The following PCDH9 variants were observed in gnomAD, a reference collection of about 807,000 sequenced individuals.
The protein encoded by PCDH9 is protocadherin-9.
In PCDH9, 24 loss-of-function variants were observed where a neutral mutation model predicts 70.6. The observed-to-expected ratio is 0.34, with a 90% CI of 0.25 to 0.48. The LOEUF is 0.48. Ranked by LOEUF, PCDH9 falls within the 20% of genes least tolerant of loss-of-function variation. The pLI, the probability that PCDH9 is intolerant of heterozygous loss-of-function variation, is 0.99. For synonymous variants in PCDH9, 562 were observed against 558.5 expected (o/e 1.01, Z -0.09); for missense variants, 1,281 against 1,503.6 (o/e 0.85, Z 2.45).
intron 4 of PCDH9, among the ~76,000 whole-genome samples, chr13:66,509,949 G>T (rs931506641): frequency 6.6e-6 from 1 of 152,156 alleles, no homozygotes; most frequent in Non-Finnish European, 1.5e-5. Flanking sequence ...TCATAGACTA[G>T]AATTTGATTT....
At chr13:66,576,800 C>T (rs1323807617) in intron 4 of PCDH9, among the ~76,000 whole-genome samples, 1 of 152,018 alleles carries the variant, frequency 6.6e-6, no homozygotes, top group Non-Finnish European at 1.5e-5. Context: ...AGATGCAATA[C>T]ATTGCCTGGA....
intron 3 of PCDH9, among the ~76,000 whole-genome samples, chr13:66,894,472 C>T (rs2139575206): frequency 6.6e-6 from 1 of 152,114 alleles, no homozygotes; most frequent in South Asian, 2.1e-4. Context: ...TTTTTTATTT[C>T]ATGGACATAA....
At chr13:67,026,303 T>A (rs2084779758) in intron 2 of PCDH9, among the ~76,000 whole-genome samples, 1 of 152,150 alleles carries the variant, frequency 6.6e-6, no homozygotes, top group Admixed American at 6.6e-5. Flanking sequence ...GGTCTAAAAT[T>A]CTCTTTTTTG....
chr13:66,884,659 T>C (rs2081978601), intron 3 of PCDH9, among the ~76,000 whole-genome samples: 1 of 152,316 alleles, frequency 6.6e-6, no homozygotes, highest in South Asian at 2.1e-4. Flanking sequence ...AATGATTCTG[T>C]GGACTGACCA....
chr13:66,639,753 G>A (rs745473519), intron 3 of PCDH9, among the ~76,000 whole-genome samples: 2 of 152,146 alleles, frequency 1.3e-5, no homozygotes, highest in Non-Finnish European at 2.9e-5. Context: ...CTCCTCAGGG[G>A]TTCAAAGCAA....
intron 3 of PCDH9, among the ~76,000 whole-genome samples, chr13:66,851,173 C>T (rs906273813): frequency 2.0e-5 from 3 of 152,160 alleles, no homozygotes; most frequent in Non-Finnish European, 4.4e-5. Flanking sequence ...TGCCCTTAGA[C>T]AATTTTCCTT....
intron 2 of PCDH9, among the ~76,000 whole-genome samples, chr13:67,021,583 A>G: frequency 6.6e-6 from 1 of 151,902 alleles, no homozygotes; most frequent in Non-Finnish European, 1.5e-5. Flanking sequence ...TTCTTTTGAG[A>G]CGGTCTCACT....
chr13:66,685,474 T>G (rs2078387722), intron 3 of PCDH9, among the ~76,000 whole-genome samples: 1 of 152,166 alleles, frequency 6.6e-6, no homozygotes, highest in Non-Finnish European at 1.5e-5. Flanking sequence ...GGTGGAGCCC[T>G]CATGGAGACC....
intron 3 of PCDH9, among the ~76,000 whole-genome samples, chr13:66,691,922 A>G (rs1282163267): frequency 6.6e-6 from 1 of 152,158 alleles, no homozygotes; most frequent in Non-Finnish European, 1.5e-5. Context: ...CTACCTACTT[A>G]AGCCTGGGCA....
chr13:66,808,787 C>T (rs1457635301), intron 3 of PCDH9, among the ~76,000 whole-genome samples: 5 of 152,156 alleles, frequency 3.3e-5, no homozygotes, highest in African/African-American at 7.2e-5. Flanking sequence ...CCAGTTGCCG[C>T]ATCAGAACCC....
chr13:66,420,289 C>T (rs932183947), intron 4 of PCDH9, among the ~76,000 whole-genome samples: 3 of 152,180 alleles, frequency 2.0e-5, no homozygotes, highest in African/African-American at 7.2e-5. Flanking sequence ...CTGAAGAGAG[C>T]AGCGGATCTC....
chr13:67,141,032 C>T (rs934257686), intron 2 of PCDH9, among the ~76,000 whole-genome samples: 2 of 151,878 alleles, frequency 1.3e-5, no homozygotes, highest in Non-Finnish European at 2.9e-5. Context: ...CAACTTGGGC[C>T]ATCAAAAGAG....
chr13:67,137,182 G>A (rs1013407950), intron 2 of PCDH9, among the ~76,000 whole-genome samples: 14 of 152,060 alleles, frequency 9.2e-5, no homozygotes, highest in African/African-American at 1.2e-4. Context: ...GTGTAGCAAT[G>A]TGAGAAGCTG....
chr13:66,696,192 T>G (rs1425604367), intron 3 of PCDH9, among the ~76,000 whole-genome samples: 1 of 152,114 alleles, frequency 6.6e-6, no homozygotes, highest in Non-Finnish European at 1.5e-5. Context: ...ATATGATGAA[T>G]TTTTTAAAAA....
At chr13:67,001,669 G>A (rs542366175) in intron 2 of PCDH9, among the ~76,000 whole-genome samples, 15 of 152,136 alleles carry the variant, frequency 9.9e-5, no homozygotes, top group Non-Finnish European at 2.1e-4. Context: ...GGCTGTGTAC[G>A]CTTAGTGGGG....
At chr13:67,067,947 T>G (rs1326200064) in intron 2 of PCDH9, among the ~76,000 whole-genome samples, 1 of 152,196 alleles carries the variant, frequency 6.6e-6, no homozygotes, top group Non-Finnish European at 1.5e-5. Context: ...CTTTATTACT[T>G]GCATTTGGTT....
intron 3 of PCDH9, among the ~76,000 whole-genome samples, chr13:66,693,582 T>C (rs1235089938): frequency 3.3e-5 from 5 of 152,134 alleles, no homozygotes; most frequent in African/African-American, 7.2e-5. Flanking sequence ...TATGGACAAT[T>C]TGTCAATTGT....
intron 3 of PCDH9, among the ~76,000 whole-genome samples, chr13:66,731,875 A>G (rs1391880351): frequency 1.3e-5 from 2 of 152,044 alleles, no homozygotes; most frequent in East Asian, 1.9e-4. Context: ...GATATACTGT[A>G]TCATGACAAA....
intron 4 of PCDH9, among the ~76,000 whole-genome samples, chr13:66,342,227 T>C (rs891490046): frequency 2.0e-5 from 3 of 152,238 alleles, no homozygotes; most frequent in Non-Finnish European, 2.9e-5. Flanking sequence ...CATGTTTCAA[T>C]GTTAAAAGAA....
Sources: gnomAD v4.1 joint callset for allele counts (sites outside exome capture counted in the v4.1 genomes callset) on GRCh38, gnomAD v4.1.1 for gene constraint, MANE v1.5 for transcripts, NCBI Gene and HGNC (gene_info 2026-07-23, HGNC 2026-07-21) for gene names.